Variants in VDR observed in about 807,000 individuals in gnomAD.
VDR encodes the protein vitamin D3 receptor.
In VDR, 19 loss-of-function variants were observed where a neutral mutation model predicts 39.7. That is an observed-to-expected ratio of 0.48 (90% CI 0.33 to 0.70). The LOEUF (loss-of-function observed/expected upper bound fraction) is 0.70, where lower values mean the gene tolerates loss of function less well. Among genes scored for constraint, VDR ranks in the 30% least tolerant of loss-of-function variants. VDR has a pLI of 0.02. For missense variants in VDR, 442 were observed against 570.5 expected, an observed-to-expected ratio of 0.77 and a Z score of 2.29; for synonymous variants, 242 against 215.8, an observed-to-expected ratio of 1.12 and a Z score of -1.07.
Position 47,844,546 on chromosome 12 carries a change from C to T in VDR, c.*200G>A. 1.4e-6 allele frequency: 1 copy of T among 713,744 alleles called. No individual in the cohort carries two copies. 44.2% of individuals were successfully genotyped at this position (713,744 alleles called of 1,614,324 possible). On this transcript the variant is annotated 3_prime_UTR_variant, in exon 10 of 10. Transcript: ENST00000549336. Reference sequence around the variant, plus strand: ...CAGCAACTCCTCATGGCTGAGGTCTCAAGGGACCGGGGAAAAGCCCGCAGG... The same window carrying T: ...CAGCAACTCCTCATGGCTGAGGTCTTAAGGGACCGGGGAAAAGCCCGCAGG...
chr12:47,902,164 A>G (rs935699213), intron 1 of VDR, among the ~76,000 whole-genome samples: 4 of 152,184 alleles, frequency 2.6e-5, no homozygotes, highest in African/African-American at 4.8e-5. Context: ...GTTTATGTCC[A>G]TTGTCCTGGT....
chr12:47,890,343 GT>G (rs769567002), intron 1 of VDR, among the ~76,000 whole-genome samples: 2 of 144,966 alleles, frequency 1.4e-5, no homozygotes, highest in Non-Finnish European at 1.5e-5. Context: ...TATGTAATAT[GT>G]ATTTTATATA....
At chr12:47,865,228 C>T in intron 3 of VDR, 51 bp from the exon 4 acceptor site, 3 of 1,601,212 alleles carry the variant, frequency 1.9e-6, no homozygotes, top group East Asian at 2.2e-5. Flanking sequence ...TCCGGCTCCT[C>T]ACCCTGTCAT....
chr12:47,904,462 T>TAAAAAAA (rs17886628), intron 1 of VDR: 68 of 360,314 alleles, frequency 1.9e-4, no homozygotes, highest in African/African-American at 1.4e-3. Flanking sequence ...CAAAGAAAAG[T>TAAAAAAA]AAAAAAAAAA....
chr12:47,903,924 G>A lies in VDR; in HGVS notation c.-84+1031C>T, dbSNP rs184289291. On this transcript the variant is annotated intron_variant, in intron 1 of 9. Coordinates refer to ENST00000549336, the MANE Select transcript of VDR (RefSeq NM_000376.3). ...TGGGTATCTGAGCCCCTGCCCATGA[G>A]GAAGACCACCTTCCAGCAGGGAGCT... Among the ~76,000 whole-genome samples the A allele has an allele frequency of 2.2e-4, 34 of 152,244 alleles. 1 individual carries two copies. The East Asian group carries it at 6.6e-3, about 29-fold the overall frequency.
chr12:47,875,849 T>A (rs150824778), intron 3 of VDR, among the ~76,000 whole-genome samples: 1 of 152,204 alleles, frequency 6.6e-6, no homozygotes, highest in African/African-American at 2.4e-5. Flanking sequence ...ATATTGTTGG[T>A]TGAGTTATTA....
intron 3 of VDR, among the ~76,000 whole-genome samples, chr12:47,872,119 C>T (rs1945895445): frequency 1.3e-5 from 2 of 152,316 alleles, no homozygotes; most frequent in South Asian, 4.1e-4. Context: ...AATCCACTAC[C>T]CACTACAACT....
intron 3 of VDR, among the ~76,000 whole-genome samples, chr12:47,866,030 T>C (rs575546811): frequency 6.6e-6 from 1 of 150,912 alleles, no homozygotes; most frequent in Non-Finnish European, 1.5e-5. Flanking sequence ...CCGACTCTTA[T>C]ACTTATTTTA....
chr12:47,844,986 G>T lies in VDR; in HGVS notation c.1044C>A (p.Asp348Glu). The T allele has an allele frequency of 6.2e-7, 1 of 1,613,086 alleles. No individual in the cohort carries two copies. The highest frequency in any genetic ancestry group is 8.5e-7 in the Non-Finnish European group (1 of 1,179,950). Residue 348 changes from aspartate to glutamate, a missense_variant, in exon 10 of 10, where the codon GAC (aspartate) becomes GAA (glutamate). Around this residue, in one of 5 missense-constraint regions of VDR, gnomAD observed 173 missense variants for 252.0 expected, o/e 0.69. Transcript: ENST00000549336. ...IVSPDRPGVQ[D>E]AALIEAIQDR... is the part of the protein sequence containing the mutation. ...CCTGGATGGCCTCAATCAGCGCGGC[G>T]TCCTGCACCCCAGGACGATCTGTGG... is the stretch of plus-strand genomic sequence containing the variant.
chr12:47,866,780 A>C (rs534023687), intron 3 of VDR, among the ~76,000 whole-genome samples: 1 of 151,646 alleles, frequency 6.6e-6, no homozygotes, highest in South Asian at 2.1e-4. Context: ...ATCTGAGGTA[A>C]GGAGTTTGAG....
chr12:47,892,385 G>T (rs1946387201), intron 1 of VDR, among the ~76,000 whole-genome samples: 1 of 152,220 alleles, frequency 6.6e-6, no homozygotes, highest in Non-Finnish European at 1.5e-5. Context: ...TCACCCCAAG[G>T]TGACATCGGC....
intron 4 of VDR, among the ~76,000 whole-genome samples, chr12:47,864,765 C>A (rs530397158): frequency 6.6e-6 from 1 of 152,330 alleles, no homozygotes; most frequent in Non-Finnish European, 1.5e-5. Context: ...CAGTGTCCGG[C>A]CTCTCCTTCC....
intron 3 of VDR, among the ~76,000 whole-genome samples, chr12:47,875,149 C>T (rs1220477787): frequency 6.6e-6 from 1 of 152,226 alleles, no homozygotes; most frequent in African/African-American, 2.4e-5. Context: ...CCCTCTCTAA[C>T]CTTCTAACCA....
chr12:47,899,904 T>A (rs1411444686), intron 1 of VDR: 6 of 985,500 alleles, frequency 6.1e-6, no homozygotes, highest in Non-Finnish European at 7.2e-6. Context: ...GGCATGAGGC[T>A]ATCAGAGGAG....
At chr12:47,861,690 G>A (rs997121110) in intron 4 of VDR, among the ~76,000 whole-genome samples, 1 of 152,096 alleles carries the variant, frequency 6.6e-6, no homozygotes, top group South Asian at 2.1e-4. Flanking sequence ...TAAAGTGCAT[G>A]AGTTTTGGCA....
chr12:47,871,353 T>TCTTTCTTTCTTTC (rs1945869984), intron 3 of VDR, among the ~76,000 whole-genome samples: 1 of 147,658 alleles, frequency 6.8e-6, no homozygotes, highest in Non-Finnish European at 1.5e-5. Flanking sequence ...TTTCTTTCTT[T>TCTTTCTTTCTTTC]CTTTCCTTTC....
intron 1 of VDR, among the ~76,000 whole-genome samples, chr12:47,899,547 G>C (rs1472992762): frequency 6.6e-6 from 1 of 152,256 alleles, no homozygotes; most frequent in East Asian, 1.9e-4. Context: ...CTCAGACCCT[G>C]TGTTTCTCCT....
At chr12:47,899,560 T>C (rs570425726) in intron 1 of VDR, among the ~76,000 whole-genome samples, 4 of 152,396 alleles carry the variant, frequency 2.6e-5, no homozygotes, top group African/African-American at 9.6e-5. Context: ...TTTCTCCTGT[T>C]CTGCCAGGCC....
intron 2 of VDR, among the ~76,000 whole-genome samples, chr12:47,881,293 C>T (rs771203262): frequency 6.6e-6 from 1 of 152,048 alleles, no homozygotes; most frequent in Non-Finnish European, 1.5e-5. Flanking sequence ...GGGAACTAAA[C>T]ATCATGTACA....
Sources: gnomAD v4.1 joint callset for allele counts (sites outside exome capture counted in the v4.1 genomes callset) on GRCh38, gnomAD v4.1.1 for gene constraint, gnomAD v4.1.1 regional missense constraint, MANE v1.5 for transcripts, NCBI Gene and HGNC (gene_info 2026-07-23, HGNC 2026-07-21) for gene names.